Variants in LGSN observed in about 807,000 individuals in gnomAD.
The protein encoded by LGSN is lengsin, lens protein with glutamine synthetase domain.
A neutral mutation model predicts 19.5 loss-of-function variants in LGSN; 21 were observed. That is an observed-to-expected ratio of 1.07 (90% CI 0.76 to 1.55). LGSN has a LOEUF of 1.55. Among genes scored for constraint, LGSN ranks in the 40% most tolerant of loss-of-function variants. The pLI is 0.00. For missense variants in LGSN, 673 were observed against 608.5 expected (o/e 1.11, Z -1.12); for synonymous variants, 257 against 215.6 (o/e 1.19, Z -1.68).
chr6:63,474,427 T>C, the LGSN span, among the ~76,000 whole-genome samples: 1 of 151,200 alleles, frequency 6.6e-6, no homozygotes, highest in East Asian at 2.0e-4. Flanking sequence ...GCTAACATGG[T>C]GAAACCCCGT....
At chr6:63,508,072 C>A in the LGSN span, among the ~76,000 whole-genome samples, 1 of 152,090 alleles carries the variant, frequency 6.6e-6, no homozygotes, top group Non-Finnish European at 1.5e-5. Context: ...GTTAACTGTT[C>A]AATGTTACAC....
chr6:63,313,867 A>C (rs2500454), intron 1 of LGSN, among the ~76,000 whole-genome samples: 9,094 of 88,566 alleles, frequency 0.1, 425 homozygotes, highest in African/African-American at 0.21. Context: ...TAAATAAATA[A>C]ATACATACAT....
chr6:63,324,104 G>T (rs1769169605), upstream of LGSN, among the ~76,000 whole-genome samples: 1 of 152,060 alleles, frequency 6.6e-6, no homozygotes, highest in Non-Finnish European at 1.5e-5. Flanking sequence ...CCCATGTCAT[G>T]CAACCTCTGG....
chr6:63,308,023 A>G lies in LGSN; in HGVS notation c.30+11891T>C, dbSNP rs143724384. 1.0e-3 allele frequency among the ~76,000 whole-genome samples: 158 copies of G among 152,280 alleles called. 1 individual carries two copies. The highest frequency in any genetic ancestry group is 3.8e-3 in the African/African-American group (158 of 41,566). On this transcript the variant is annotated intron_variant, in intron 1 of 3. Transcript: ENST00000370657. The stretch of plus-strand genomic sequence containing the variant: ...CTTCAGATAGGCTAACCTTAAACAG[A>G]AGAGGGCGCATTTCAGCTGAAGATA...
the LGSN span, among the ~76,000 whole-genome samples, chr6:63,560,508 T>C: frequency 2.0e-5 from 3 of 151,588 alleles, no homozygotes; most frequent in African/African-American, 7.3e-5. Context: ...GTTCAAGTGA[T>C]TCTCCTGCCT....
the LGSN span, among the ~76,000 whole-genome samples, chr6:63,479,492 C>A: frequency 0.016 from 2,415 of 151,986 alleles, 21 homozygotes; most frequent in South Asian, 0.033. Context: ...ATAATCCCAG[C>A]ATTTTCAGAG....
the LGSN span, among the ~76,000 whole-genome samples, chr6:63,469,803 A>G: frequency 1.3e-5 from 2 of 152,122 alleles, no homozygotes; most frequent in African/African-American, 4.8e-5. Context: ...TTTGACCTCC[A>G]CTTCCCAGGT....
At chr6:63,430,579 G>A in the LGSN span, among the ~76,000 whole-genome samples, 1 of 152,066 alleles carries the variant, frequency 6.6e-6, no homozygotes, top group South Asian at 2.1e-4. Flanking sequence ...AGTAGAGATG[G>A]GATTTCACCA....
intron 1 of LGSN, among the ~76,000 whole-genome samples, chr6:63,310,921 G>A (rs1000184480): frequency 2.0e-5 from 3 of 152,190 alleles, no homozygotes; most frequent in African/African-American, 7.2e-5. Flanking sequence ...TTCTGCTAAA[G>A]TGTTGGCTAA....
the LGSN span, among the ~76,000 whole-genome samples, chr6:63,539,428 A>G: frequency 1.3e-5 from 2 of 152,170 alleles, no homozygotes; most frequent in African/African-American, 4.8e-5. Context: ...CTTCATGTTT[A>G]ATCATTATTC....
the LGSN span, among the ~76,000 whole-genome samples, chr6:63,332,737 C>T: frequency 6.6e-6 from 1 of 152,146 alleles, no homozygotes; most frequent in Non-Finnish European, 1.5e-5. Flanking sequence ...TCCGATGGTA[C>T]TCACTGCTTG....
chr6:63,504,327 C>T, the LGSN span, among the ~76,000 whole-genome samples: 3 of 151,874 alleles, frequency 2.0e-5, no homozygotes, highest in Admixed American at 6.6e-5. Flanking sequence ...CTGCAAGCTC[C>T]GCCTCCCACG....
In LGSN at chr6:63,280,865, A is replaced by G. The variant is rs2127380733; in HGVS notation, c.686T>C (p.Leu229Ser). 2.5e-6 allele frequency: 4 copies of G among 1,614,008 alleles called. No homozygotes were observed. The highest frequency in any genetic ancestry group is 4.5e-5 in the East Asian group (2 of 44,874). ...CTGATCATGGTTATTTAAAAATGTT[A>G]AAGCAGGAAAAGATATAATCTTTGA... ...LNSKIISFPA[L>S]TFLNNHDQPF... The change falls in exon 4 of 4, where the codon TTA becomes TCA. Residue 229 changes from leucine to serine, a missense_variant. Coordinates refer to ENST00000370657, the MANE Select transcript of LGSN (RefSeq NM_016571.3).
intron 1 of LGSN, among the ~76,000 whole-genome samples, chr6:63,298,549 G>T (rs946755233): frequency 6.6e-6 from 1 of 151,900 alleles, no homozygotes; most frequent in Admixed American, 6.6e-5. Flanking sequence ...AAAATCTTCG[G>T]CTTAGTTGAT....
chr6:63,565,263 C>T, the LGSN span, among the ~76,000 whole-genome samples: 2 of 151,872 alleles, frequency 1.3e-5, no homozygotes, highest in Non-Finnish European at 2.9e-5. Context: ...TAAGCTCCTA[C>T]AGAAGTAAAT....
chr6:63,285,484 G>C, intron 3 of LGSN, 103 bp downstream of exon 3: 3 of 884,594 alleles, frequency 3.4e-6, no homozygotes, highest in Non-Finnish European at 5.1e-6. Flanking sequence ...TTTTCAGCTT[G>C]AATTGCTGTA....
chr6:63,446,041 G>A, the LGSN span, among the ~76,000 whole-genome samples: 1 of 152,024 alleles, frequency 6.6e-6, no homozygotes, highest in East Asian at 1.9e-4. Flanking sequence ...TCGAGGTCAG[G>A]AGTTCGAGAC....
At chr6:63,353,609 A>G in the LGSN span, among the ~76,000 whole-genome samples, 52 of 149,462 alleles carry the variant, frequency 3.5e-4, no homozygotes, top group African/African-American at 1.2e-3. Context: ...AAAAAAAAAG[A>G]AAAAATAATG....
At chr6:63,459,261 C>T in the LGSN span, among the ~76,000 whole-genome samples, 1 of 152,078 alleles carries the variant, frequency 6.6e-6, no homozygotes, top group Non-Finnish European at 1.5e-5. Flanking sequence ...TGCCGTTTAA[C>T]TGAATACTCC....
Sources: gnomAD v4.1 joint callset for allele counts (sites outside exome capture counted in the v4.1 genomes callset) on GRCh38, gnomAD v4.1.1 for gene constraint, MANE v1.5 for transcripts, NCBI Gene and HGNC (gene_info 2026-07-23, HGNC 2026-07-21) for gene names.